The following AMMECR1 variants were observed in gnomAD, a reference collection of about 807,000 sequenced individuals.
The protein encoded by AMMECR1 is AMMECR nuclear protein 1.
In AMMECR1, 3 loss-of-function variants were observed where a neutral mutation model predicts 22.5. The ratio of observed to expected loss-of-function variants is 0.13; its 90% CI spans 0.06 to 0.35. The LOEUF (loss-of-function observed/expected upper bound fraction) is 0.35. Ranked by LOEUF, AMMECR1 falls within the 10% of genes least tolerant of loss-of-function variation. The pLI is 1.00. For synonymous variants in AMMECR1, 130 were observed against 116.7 expected, an observed-to-expected ratio of 1.11 and a Z score of -0.74; for missense variants, 235 against 278.7, an observed-to-expected ratio of 0.84 and a Z score of 1.12.
At chrX:110,349,043 A>G (rs1361464574) in intron 2 of AMMECR1, among the ~76,000 whole-genome samples, 1 of 112,191 alleles carries the variant, frequency 8.9e-6, no homozygotes, top group African/African-American at 3.2e-5. Context: ...ATTGGCCTTA[A>G]AAGAAGAAAA....
chrX:110,387,595 T>C (rs2068464824), intron 2 of AMMECR1, among the ~76,000 whole-genome samples: 1 of 111,577 alleles, frequency 9.0e-6, no homozygotes, highest in African/African-American at 3.3e-5. Context: ...ATGTATGGTA[T>C]TATAATATTA....
chrX:110,197,490 T>G lies in AMMECR1; in HGVS notation c.*1030A>C, dbSNP rs2067376363. 1 of 111,917 alleles carries G rather than the reference T, an allele frequency of 8.9e-6. No homozygotes were observed. The highest frequency in any genetic ancestry group is 3.7e-4 in the South Asian group (1 of 2,699). The allele number at this position is 111,917 out of a possible 1,213,427, so 9.2% of individuals were successfully genotyped here. On this transcript the variant is annotated 3_prime_UTR_variant, in exon 6 of 6. Transcript: ENST00000262844. ...CAAATGTCTCTTATTGGTTATTTGC[T>G]CAAAATAATTTTTTTTCAGCTTAAA...
intron 2 of AMMECR1, among the ~76,000 whole-genome samples, chrX:110,354,363 T>A (rs1254934089): frequency 8.9e-6 from 1 of 112,116 alleles, no homozygotes; most frequent in Non-Finnish European, 1.9e-5. Context: ...TGTACATACT[T>A]TTTTCTTGTT....
chrX:110,300,118 A>C (rs1016847649), intron 1 of AMMECR1, among the ~76,000 whole-genome samples: 2 of 112,197 alleles, frequency 1.8e-5, no homozygotes, highest in Non-Finnish European at 3.8e-5. Flanking sequence ...GTTTTCCATA[A>C]TGGCTATGCC....
intron 3 of AMMECR1, among the ~76,000 whole-genome samples, chrX:110,214,704 T>C (rs1181538119): frequency 9.0e-6 from 1 of 111,653 alleles, no homozygotes; most frequent in African/African-American, 3.3e-5. Context: ...ATGTTCATGT[T>C]TGTGACACAC....
intron 2 of AMMECR1, among the ~76,000 whole-genome samples, chrX:110,363,907 G>A (rs1187487577): frequency 1.8e-5 from 2 of 111,825 alleles, no homozygotes; most frequent in Non-Finnish European, 3.8e-5. Flanking sequence ...TTCAAATGAC[G>A]GAACTGAGGC....
intron 1 of AMMECR1, among the ~76,000 whole-genome samples, chrX:110,427,160 C>T (rs970629330): frequency 1.3e-4 from 15 of 112,181 alleles, no homozygotes; most frequent in South Asian, 7.5e-4. Context: ...ACATCTCTTG[C>T]CTTGATTCCT....
In AMMECR1 at chrX:110,242,005, C is replaced by T. The variant is rs148283496; in HGVS notation, c.584+22484G>A. Among the ~76,000 whole-genome samples, 606 of 111,573 alleles carry T rather than the reference C, an allele frequency of 5.4e-3. 3 individuals carry two copies. Among genetic ancestry groups the T allele is most frequent in the African/African-American group, 0.019 (589 of 30,721 alleles). Reference sequence around the variant, plus strand: ...ACTAGCACAGGGCAGTCTTCCAGCTCTCCACAACCACTCCCTCTGCAAGCA... The same window carrying T: ...ACTAGCACAGGGCAGTCTTCCAGCTTTCCACAACCACTCCCTCTGCAAGCA... On this transcript the variant is annotated intron_variant, in intron 2 of 5. Transcript: ENST00000262844.
chrX:110,257,490 C>T (rs1327042153), intron 2 of AMMECR1, among the ~76,000 whole-genome samples: 1 of 111,712 alleles, frequency 9.0e-6, no homozygotes, highest in Non-Finnish European at 1.9e-5. Flanking sequence ...ATCATTTTCC[C>T]CTTTAAAATA....
At chrX:110,388,891 G>C (rs1023515748) in intron 2 of AMMECR1, among the ~76,000 whole-genome samples, 1 of 112,455 alleles carries the variant, frequency 8.9e-6, no homozygotes, top group African/African-American at 3.2e-5. Flanking sequence ...TGTACGTAGT[G>C]GGGAGAGTGT....
chrX:110,366,874 A>G (rs59836020), intron 2 of AMMECR1, among the ~76,000 whole-genome samples: 4,475 of 111,733 alleles, frequency 0.04, 215 homozygotes, highest in African/African-American at 0.14. Context: ...TCATCCATTC[A>G]TTCTTGAATG....
At chrX:110,271,169 A>G (rs1416435118) in intron 1 of AMMECR1, among the ~76,000 whole-genome samples, 1 of 112,036 alleles carries the variant, frequency 8.9e-6, no homozygotes, top group Admixed American at 9.5e-5. Flanking sequence ...TGTATAATAA[A>G]TAGCCTGTAC....
intron 1 of AMMECR1, among the ~76,000 whole-genome samples, chrX:110,303,272 A>G (rs957073380): frequency 1.8e-5 from 2 of 111,783 alleles, no homozygotes; most frequent in Non-Finnish European, 3.8e-5. Context: ...TCACTTTAAA[A>G]TGGGTTTGCT....
intron 1 of AMMECR1, among the ~76,000 whole-genome samples, chrX:110,435,252 C>T (rs1233873194): frequency 9.0e-6 from 1 of 111,536 alleles, no homozygotes. Flanking sequence ...AGGACAGTCA[C>T]TTCAGCTCTG....
chrX:110,333,955 C>T (rs756973397), intron 2 of AMMECR1, among the ~76,000 whole-genome samples: 7 of 110,934 alleles, frequency 6.3e-5, no homozygotes, highest in South Asian at 3.9e-4. Context: ...TGCACATGTA[C>T]CCCAGAACTT....
chrX:110,392,368 T>C (rs1399981492), intron 2 of AMMECR1, among the ~76,000 whole-genome samples: 1 of 106,843 alleles, frequency 9.4e-6, no homozygotes, highest in Non-Finnish European at 1.9e-5. Flanking sequence ...CTCAAACTCC[T>C]GGGCTCGAGT....
chrX:110,395,230 C>T (rs2068520906), intron 2 of AMMECR1, among the ~76,000 whole-genome samples: 1 of 112,100 alleles, frequency 8.9e-6, no homozygotes, highest in South Asian at 3.8e-4. Flanking sequence ...TTCTGCCATC[C>T]CTAACCTAGT....
intron 2 of AMMECR1, among the ~76,000 whole-genome samples, chrX:110,424,597 G>T (rs763955609): frequency 8.9e-6 from 1 of 112,071 alleles, no homozygotes; most frequent in Non-Finnish European, 1.9e-5. Flanking sequence ...GCAACCTATG[G>T]CTCCTGCCCT....
chrX:110,417,908 C>T (rs761454969), intron 2 of AMMECR1, among the ~76,000 whole-genome samples: 1 of 112,621 alleles, frequency 8.9e-6, no homozygotes, highest in South Asian at 3.7e-4. Context: ...CCAGGTCATT[C>T]CAGTCCACCA....
Sources: gnomAD v4.1 joint callset for allele counts (sites outside exome capture counted in the v4.1 genomes callset) on GRCh38, gnomAD v4.1.1 for gene constraint, MANE v1.5 for transcripts, NCBI Gene and HGNC (gene_info 2026-07-23, HGNC 2026-07-21) for gene names.